The following TMEM255B variants were observed in gnomAD, a reference collection of about 807,000 sequenced individuals.
The protein encoded by TMEM255B is transmembrane protein 255B.
A neutral mutation model predicts 34.5 loss-of-function variants in TMEM255B; 35 were observed. The observed-to-expected ratio is 1.01, with a 90% CI of 0.77 to 1.34. TMEM255B has a LOEUF of 1.34. TMEM255B is among the 40% of genes most tolerant of loss of function. TMEM255B has a pLI of 0.00. For synonymous variants in TMEM255B, 206 were observed against 201.2 expected (o/e 1.02, Z -0.20); for missense variants, 432 against 433.2 (o/e 1.00, Z 0.02).
chr13:113,810,200 G>T (rs2051272705), intron 8 of TMEM255B, among the ~76,000 whole-genome samples: 1 of 152,182 alleles, frequency 6.6e-6, no homozygotes, highest in Non-Finnish European at 1.5e-5. Flanking sequence ...GCTTCTCATG[G>T]GACCCTGCAG....
chr13:113,772,166 C>T (rs921093128), intron 3 of TMEM255B, among the ~76,000 whole-genome samples: 1 of 152,114 alleles, frequency 6.6e-6, no homozygotes, highest in Non-Finnish European at 1.5e-5. Context: ...CTGTTCATTT[C>T]CTTTGCTCAT....
chr13:113,790,653 AC>A, intron 3 of TMEM255B, among the ~76,000 whole-genome samples: 1 of 146,030 alleles, frequency 6.8e-6, no homozygotes, highest in African/African-American at 2.6e-5. Context: ...CTGTGGACTG[AC>A]CGGACACGTG....
At chr13:113,768,795 C>A in intron 2 of TMEM255B, 1 of 494,384 alleles carries the variant, frequency 2.0e-6, no homozygotes, top group East Asian at 5.6e-5. Flanking sequence ...CCTGGGTTCC[C>A]GAAAAGATGT....
chr13:113,786,640 C>T (rs948718775), intron 3 of TMEM255B, among the ~76,000 whole-genome samples: 3 of 53,884 alleles, frequency 5.6e-5, no homozygotes, highest in African/African-American at 1.2e-4. Flanking sequence ...TCATCACCAT[C>T]ATCACTGTCG....
At position 113,804,976 on chromosome 13, in the gene TMEM255B, G is replaced by A. The variant is rs753566042; in HGVS notation, c.761G>A (p.Arg254His). ...CAGATCCTGGCCTACGCAGGCTTCC[G>A]CCTGACGCCCGAGCCCGTCCCGACC... Reference protein sequence around the residue: ...AQQILAYAGFRLTPEPVPTCS... With the variant: ...AQQILAYAGFHLTPEPVPTCS... Residue 254 changes from arginine to histidine, a missense_variant, in exon 8 of 9, where the codon CGC (arginine) becomes CAC (histidine). Coordinates refer to ENST00000375353, the MANE Select transcript of TMEM255B (RefSeq NM_182614.4). 6 of 1,606,520 alleles carry A rather than the reference G, an allele frequency of 3.7e-6. No homozygotes were observed. Among genetic ancestry groups the A allele is most frequent in the Non-Finnish European group, 5.1e-6 (6 of 1,179,730 alleles).
At chr13:113,782,362 A>C (rs2050676828) in intron 3 of TMEM255B, among the ~76,000 whole-genome samples, 2 of 152,262 alleles carry the variant, frequency 1.3e-5, no homozygotes. Context: ...ATATAACTTT[A>C]GATTCCAAAT....
At chr13:113,790,592 G>A (rs113667359) in intron 3 of TMEM255B, among the ~76,000 whole-genome samples, 1 of 141,050 alleles carries the variant, frequency 7.1e-6, no homozygotes, top group East Asian at 2.2e-4. Flanking sequence ...TGGACTGACC[G>A]GACACGTAGA....
chr13:113,783,484 A>G (rs1372253387), intron 3 of TMEM255B, among the ~76,000 whole-genome samples: 1 of 152,200 alleles, frequency 6.6e-6, no homozygotes, highest in Non-Finnish European at 1.5e-5. Context: ...AAGTTAAAGT[A>G]AAGGATTGGG....
At chr13:113,786,521 G>A (rs1057495162) in intron 3 of TMEM255B, among the ~76,000 whole-genome samples, 1 of 53,524 alleles carries the variant, frequency 1.9e-5, no homozygotes, top group Admixed American at 2.3e-4. Flanking sequence ...CATCACCATT[G>A]TCACCACTGT....
chr13:113,794,761 C>T (rs1194384727), intron 3 of TMEM255B, among the ~76,000 whole-genome samples: 7 of 152,220 alleles, frequency 4.6e-5, no homozygotes, highest in Admixed American at 2.0e-4. Context: ...GCAGGTTGTG[C>T]GACAGTGTGT....
intron 3 of TMEM255B, among the ~76,000 whole-genome samples, chr13:113,788,337 G>T (rs1227888977): frequency 2.6e-4 from 11 of 42,908 alleles, no homozygotes; most frequent in African/African-American, 1.2e-3. Flanking sequence ...GTGGGGATGG[G>T]CAGAGGGGAA....
chr13:113,791,779 G>A (rs1248419437), intron 3 of TMEM255B, among the ~76,000 whole-genome samples: 1 of 152,236 alleles, frequency 6.6e-6, no homozygotes, highest in Non-Finnish European at 1.5e-5. Context: ...TGCCTCTTTG[G>A]TTGGGAATTG....
chr13:113,761,151 C>T (rs945551853), intron 1 of TMEM255B: 1 of 983,684 alleles, frequency 1.0e-6, no homozygotes, highest in Non-Finnish European at 1.2e-6. Flanking sequence ...TGACTGGTGT[C>T]CCCACATGAT....
chr13:113,763,459 G>C (rs760628868), intron 1 of TMEM255B, among the ~76,000 whole-genome samples: 1 of 152,104 alleles, frequency 6.6e-6, no homozygotes, highest in Non-Finnish European at 1.5e-5. Flanking sequence ...AGAGACCCGG[G>C]ATCTGTCGCC....
At chr13:113,786,465 TCA>T (rs2050743867) in intron 3 of TMEM255B, among the ~76,000 whole-genome samples, 2 of 151,622 alleles carry the variant, frequency 1.3e-5, no homozygotes, top group African/African-American at 4.8e-5. Flanking sequence ...ATCACCATCA[TCA>T]GTGTCATCAC....
In TMEM255B at chr13:113,814,719, G is replaced by C. The variant is rs1382599790; in HGVS notation, c.*2816G>C. On this transcript the variant is annotated 3_prime_UTR_variant, in exon 9 of 9. Coordinates refer to ENST00000375353, the MANE Select transcript of TMEM255B (RefSeq NM_182614.4). ...TCACGGTCTGATGAACCCCCTCTCT[G>C]GGCTCCGCTGGGGCCTTCTGATCCC... 6.6e-6 allele frequency: 1 copy of C among 152,228 alleles called. No individual in the cohort carries two copies. Among genetic ancestry groups the C allele is most frequent in the East Asian group, 1.9e-4 (1 of 5,172 alleles). 9.4% of individuals were successfully genotyped at this position (152,228 alleles called of 1,614,324 possible). A position where few individuals can be genotyped will look rare whatever the true frequency, so the allele number is the denominator to read the frequency against.
chr13:113,793,639 C>G (rs192738787), intron 3 of TMEM255B, among the ~76,000 whole-genome samples: 41 of 152,342 alleles, frequency 2.7e-4, no homozygotes, highest in African/African-American at 9.4e-4. Context: ...AAGGTGGCAT[C>G]GGTGACTGCC....
chr13:113,808,254 A>G (rs1280351826), intron 8 of TMEM255B, among the ~76,000 whole-genome samples: 2 of 152,182 alleles, frequency 1.3e-5, no homozygotes, highest in East Asian at 1.9e-4. Flanking sequence ...AGCAGTTAAT[A>G]AAAAGGACAA....
intron 8 of TMEM255B, among the ~76,000 whole-genome samples, chr13:113,808,802 G>GGGT (rs10654445): frequency 3.2e-5 from 2 of 62,656 alleles, no homozygotes; most frequent in African/African-American, 6.5e-5. Context: ...TGGGGGGGGG[G>GGGT]TTACTCCATG....
Sources: gnomAD v4.1 joint callset for allele counts (sites outside exome capture counted in the v4.1 genomes callset) on GRCh38, gnomAD v4.1.1 for gene constraint, MANE v1.5 for transcripts, NCBI Gene and HGNC (gene_info 2026-07-23, HGNC 2026-07-21) for gene names.